CELSR1: variants seen among roughly 807,000 people sequenced by gnomAD.
CELSR1 encodes cadherin EGF LAG seven-pass G-type receptor 1.
Under a neutral mutation model 249.1 loss-of-function variants are expected in CELSR1, and 110 were observed. That is an observed-to-expected ratio of 0.44 (90% CI 0.38 to 0.52). The LOEUF (loss-of-function observed/expected upper bound fraction) is 0.52, where lower values mean the gene tolerates loss of function less well. Ranked by LOEUF, CELSR1 falls within the 20% of genes least tolerant of loss-of-function variation. CELSR1 has a pLI of 0.00. For synonymous variants in CELSR1, 2,113 were observed against 1,900.0 expected (o/e 1.11, Z -2.92); for missense variants, 4,109 against 4,296.4 (o/e 0.96, Z 1.22).
At chr22:46,499,599 G>C (rs908742378) in intron 1 of CELSR1, among the ~76,000 whole-genome samples, 1 of 152,188 alleles carries the variant, frequency 6.6e-6, no homozygotes, top group African/African-American at 2.4e-5. Flanking sequence ...GATATGCAAA[G>C]ACTTGTCCCA....
rs1433873714 is a variant in CELSR1 at position 46,536,892 on chromosome 22, C to G, written c.279G>C (p.Val93=). The part of the protein sequence containing the change: ...GRPLPLQVRL[V]ARSAPTALSR... ...TCAGCGCCGTCGGGGCACTGCGGGCCACCAAGCGGACTTGCAGCGGCAGCG... is the reference window on the plus strand; with the variant it reads ...TCAGCGCCGTCGGGGCACTGCGGGCGACCAAGCGGACTTGCAGCGGCAGCG... The change falls in exon 1 of 35, where the codon GTG becomes GTC. Residue 93 remains valine (V), a synonymous_variant. Coordinates refer to ENST00000674500, the MANE Select transcript of CELSR1 (RefSeq NM_001378328.1). 1 of 1,222,806 alleles carries G rather than the reference C, an allele frequency of 8.2e-7. No homozygotes were observed. The highest frequency in any genetic ancestry group is 1.6e-5 in the African/African-American group (1 of 62,040). 75.7% of individuals were successfully genotyped at this position (1,222,806 alleles called of 1,614,324 possible).
rs752434920 is a variant in CELSR1, at chr22:46,526,469, C to G, written c.3544+7158G>C. Among the ~76,000 whole-genome samples, 6 of 152,316 alleles carry G rather than the reference C, an allele frequency of 3.9e-5. No homozygotes were observed. The highest frequency in any genetic ancestry group is 7.4e-5 in the Non-Finnish European group (5 of 68,026). On this transcript the variant is annotated intron_variant, in intron 1 of 34. Coordinates refer to ENST00000674500, the MANE Select transcript of CELSR1 (RefSeq NM_001378328.1). The surrounding 1 kb of genome is among the most constrained non-coding windows in gnomAD (Gnocchi z 4.7). ...GGGTCCTGTTCCCATCCCACTCATG[C>G]CAGCAACCTTGTCATTTGCTTCTCA...
chr22:46,397,726 G>T lies in CELSR1; in HGVS notation c.5649C>A (p.Pro1883=), dbSNP rs775463896. ...DDPCTSSPCP[P]NSRCHDAWED... is the part of the protein sequence containing the mutation. ...CCCAGGCGTCGTGGCAGCGGCTATT[G>T]GGGGGACAGGGGCTCGAGGTACAGG... The change falls in exon 12 of 35, where the codon CCC becomes CCA. Residue 1883 remains proline, a synonymous_variant. Transcript: ENST00000674500. 5 of 1,587,024 alleles carry T rather than the reference G, an allele frequency of 3.2e-6. No homozygotes were observed. The highest frequency in any genetic ancestry group is 1.2e-5 in the South Asian group (1 of 86,870).
rs1371125138 is a variant in CELSR1 at position 46,468,636 on chromosome 22, G to C, written c.3545-4291C>G. Reference sequence around the variant, plus strand: ...GGGGAGCTGTTGTTTAGTGGGTGTGGGGTTTCAGTTTGGGGCCATGAAAAA... The same window carrying C: ...GGGGAGCTGTTGTTTAGTGGGTGTGCGGTTTCAGTTTGGGGCCATGAAAAA... On this transcript the variant is annotated intron_variant, in intron 1 of 34. Coordinates refer to ENST00000674500, the MANE Select transcript of CELSR1 (RefSeq NM_001378328.1). This position sits in a 1 kb window ranked among gnomAD's most constrained non-coding sequence, Gnocchi z 4.5. Among the ~76,000 whole-genome samples the C allele has an allele frequency of 6.6e-6, 1 of 152,114 alleles. No homozygotes were observed. Among genetic ancestry groups the C allele is most frequent in the Non-Finnish European group, 1.5e-5 (1 of 68,032 alleles).
At chr22:46,502,147 C>T (rs1265316995) in intron 1 of CELSR1, among the ~76,000 whole-genome samples, 1 of 151,444 alleles carries the variant, frequency 6.6e-6, no homozygotes, top group Non-Finnish European at 1.5e-5. Context: ...CCTGCAGTCC[C>T]AGCTACTCAG....
intron 23 of CELSR1, among the ~76,000 whole-genome samples, chr22:46,378,244 C>T (rs907185592): frequency 1.3e-5 from 2 of 152,206 alleles, no homozygotes; most frequent in South Asian, 2.1e-4. Flanking sequence ...CCAACAGACC[C>T]GCACTGAAGT....
intron 3 of CELSR1, among the ~76,000 whole-genome samples, chr22:46,438,604 C>T (rs959307662): frequency 3.3e-5 from 5 of 152,206 alleles, no homozygotes; most frequent in Non-Finnish European, 7.3e-5. Context: ...CAGAATCTGA[C>T]AAGCAGCAGC....
rs1602023717 is a variant in CELSR1, at chr22:46,367,025, C to T, written c.8173G>A (p.Asp2725Asn). Reference protein sequence around the residue: ...VLGGRKLHLEDSATTRATLLT... With the variant: ...VLGGRKLHLENSATTRATLLT... ...AGGGTGGCCCTGGTGGTGGCGGAGTCCTCCAGGTGCAGCTTCCTCCCGCCG... is the reference window on the plus strand; with the variant it reads ...AGGGTGGCCCTGGTGGTGGCGGAGTTCTCCAGGTGCAGCTTCCTCCCGCCG... The change falls in exon 29 of 35, where the codon GAC (aspartate) becomes AAC (asparagine). Residue 2725 changes from aspartate to asparagine, a missense_variant. Physicochemically the swap from Asp to Asn is conservative, Grantham distance 23. Transcript: ENST00000674500. 1.2e-6 allele frequency: 2 copies of T among 1,610,484 alleles called. No individual in the cohort carries two copies. The highest frequency in any genetic ancestry group is 2.2e-5 in the East Asian group (1 of 44,834).
intron 2 of CELSR1, among the ~76,000 whole-genome samples, chr22:46,459,691 C>T (rs993248744): frequency 2.6e-5 from 4 of 152,208 alleles, no homozygotes; most frequent in Non-Finnish European, 4.4e-5. Context: ...CACCCCCACC[C>T]CCAGCTGTGA....
intron 1 of CELSR1, among the ~76,000 whole-genome samples, chr22:46,508,873 A>G (rs1007895745): frequency 2.0e-4 from 30 of 152,152 alleles, no homozygotes; most frequent in African/African-American, 7.2e-4. Flanking sequence ...GGGGACCGCC[A>G]TGCAGTCAGA....
Position 46,361,339 on chromosome 22 carries a change from T to C in CELSR1, c.*1884A>G, listed in dbSNP as rs1197759392. 2 of 152,564 alleles carry C rather than the reference T, an allele frequency of 1.3e-5. No individual in the cohort carries two copies. Among genetic ancestry groups the C allele is most frequent in the Admixed American group, 1.3e-4 (2 of 15,290 alleles). 9.5% of individuals were successfully genotyped at this position (152,564 alleles called of 1,614,324 possible). A position where few individuals can be genotyped will look rare whatever the true frequency, so the allele number is the denominator to read the frequency against. ...TACATTTTTCCCATCTCAATAAAAC[T>C]GACAGTTGTTTTTTGGTAACAGTTC... On this transcript the variant is annotated 3_prime_UTR_variant, in exon 35 of 35. Transcript: ENST00000674500.
In CELSR1 at chr22:46,533,782, T is replaced by C. The variant is rs1304807616; in HGVS notation, c.3389A>G (p.His1130Arg). ...GAGGCTGTCTGACACGTCGGGGTCA[T>C]GGGCCGGGATGCAGCCGATCACGCC... ...PTGVIGCIPAHDPDVSDSLNY... is the reference protein window; with the variant it reads ...PTGVIGCIPARDPDVSDSLNY... Residue 1130 changes from histidine (H) to arginine (R), a missense_variant, in exon 1 of 35, where the codon CAT becomes CGT. His to Arg is a conservative substitution (Grantham distance 29). This residue lies in a region of CELSR1 where 886 missense variants were observed against 896.5 expected (regional missense o/e 0.99). Transcript: ENST00000674500. 4.3e-6 allele frequency: 7 copies of C among 1,613,674 alleles called. No individual in the cohort carries two copies. Among genetic ancestry groups the C allele is most frequent in the South Asian group, 3.3e-5 (3 of 91,084 alleles).
rs2079086201 is a variant in CELSR1, at chr22:46,391,160, C to T, written c.6250+26G>A. 6.3e-7 allele frequency: 1 copy of T among 1,594,246 alleles called. No individual in the cohort carries two copies. Among genetic ancestry groups the T allele is most frequent in the South Asian group, 1.1e-5 (1 of 90,514 alleles). ...CCCACAAGGACGCCTGCCTCAGTTC[C>T]CTACACACAGGCCACGGCGACTCAC... On this transcript the variant is annotated intron_variant, in intron 16 of 34. Coordinates refer to ENST00000674500, the MANE Select transcript of CELSR1 (RefSeq NM_001378328.1). This position sits in a 1 kb window ranked among gnomAD's most constrained non-coding sequence, Gnocchi z 4.3.
rs1183916167 is a variant in CELSR1, at chr22:46,463,566, TC to T, written c.4183+140del. Reference sequence around the variant, plus strand: ...ACCGTTACTGAGATCATCTCAAGGTTCGTGGAGCCCACACCTGGGCCCAGCG... The same window carrying T: ...ACCGTTACTGAGATCATCTCAAGGTTGTGGAGCCCACACCTGGGCCCAGCG... On this transcript the variant is annotated intron_variant, in intron 2 of 34. Transcript: ENST00000674500. 2.3e-4 allele frequency: 185 copies of T among 787,920 alleles called. No homozygotes were observed. The East Asian group carries it at 5.7e-3, about 24-fold the overall frequency. The allele number at this position is 787,920 out of a possible 1,614,324, so 48.8% of individuals were successfully genotyped here.
chr22:46,431,761 T>C (rs1245808710), intron 5 of CELSR1, among the ~76,000 whole-genome samples: 2 of 152,224 alleles, frequency 1.3e-5, no homozygotes, highest in Admixed American at 1.3e-4. Flanking sequence ...GACGGCACCG[T>C]ATCAAGAAAA....
chr22:46,456,617 T>G (rs534402810), intron 2 of CELSR1, among the ~76,000 whole-genome samples: 2 of 141,970 alleles, frequency 1.4e-5, no homozygotes, highest in Non-Finnish European at 3.0e-5. Flanking sequence ...GAGCCGAGAT[T>G]GTGCCGCTGC....
Position 46,362,206 on chromosome 22 carries a change from A to C in CELSR1, c.*1017T>G, listed in dbSNP as rs546858499. 7 of 152,328 alleles carry C rather than the reference A, an allele frequency of 4.6e-5. No homozygotes were observed. The highest frequency in any genetic ancestry group is 2.0e-4 in the Admixed American group (3 of 15,296). The allele number at this position is 152,328 out of a possible 1,614,324, so 9.4% of individuals were successfully genotyped here. A position where few individuals can be genotyped will look rare whatever the true frequency, so the allele number is the denominator to read the frequency against. On this transcript the variant is annotated 3_prime_UTR_variant, in exon 35 of 35. Coordinates refer to ENST00000674500, the MANE Select transcript of CELSR1 (RefSeq NM_001378328.1). ...AGGAGCAAAGGACAAAGCCATCCCC[A>C]CCTGCAGCTCCCGGGCCACCTGGGA...
rs972412968 is a variant in CELSR1 at position 46,423,495 on chromosome 22, C to T, written c.4611+9898G>A. On this transcript the variant is annotated intron_variant, in intron 5 of 34. Transcript: ENST00000674500. The surrounding 1 kb of genome is among the most constrained non-coding windows in gnomAD (Gnocchi z 5.6). ...TGGTGCAGGCCTGTAATCCCACCTA[C>T]TCGGGAGGCTGAGGCAGGAGAATTG... 7.9e-5 allele frequency among the ~76,000 whole-genome samples: 12 copies of T among 151,538 alleles called. No individual in the cohort carries two copies. Among genetic ancestry groups the T allele is most frequent in the African/African-American group, 2.9e-4 (12 of 41,178 alleles).
chr22:46,515,346 G>C, intron 1 of CELSR1, among the ~76,000 whole-genome samples: 1 of 152,234 alleles, frequency 6.6e-6, no homozygotes, highest in Non-Finnish European at 1.5e-5. Flanking sequence ...GTATCACAAA[G>C]GCTAGCTTGT....
Sources: gnomAD v4.1 joint callset for allele counts (sites outside exome capture counted in the v4.1 genomes callset) on GRCh38, gnomAD v4.1.1 for gene constraint, gnomAD v4.1.1 regional missense constraint, Gnocchi (gnomAD v3.1) non-coding constraint, MANE v1.5 for transcripts, NCBI Gene and HGNC (gene_info 2026-07-23, HGNC 2026-07-21) for gene names.